The following DOCK3 variants were observed in gnomAD, a reference collection of about 807,000 sequenced individuals.
The protein encoded by DOCK3 is dedicator of cytokinesis protein 3.
Under a neutral mutation model 265.6 loss-of-function variants are expected in DOCK3, and 60 were observed. The observed-to-expected ratio is 0.23, with a 90% CI of 0.18 to 0.28. The LOEUF is 0.28. DOCK3 is among the 10% of genes least tolerant of loss of function. DOCK3 has a pLI of 1.00. For missense variants in DOCK3, 1,981 were observed against 2,594.3 expected, an observed-to-expected ratio of 0.76 and a Z score of 5.14; for synonymous variants, 881 against 938.0, an observed-to-expected ratio of 0.94 and a Z score of 1.11.
intron 5 of DOCK3, among the ~76,000 whole-genome samples, chr3:51,061,431 A>G (rs7373592): frequency 0.83 from 126,882 of 152,018 alleles, 53,417 homozygotes; most frequent in East Asian, 0.94. Flanking sequence ...ATGAAGCTGG[A>G]AACCACCATT....
At chr3:50,787,708 C>T in intron 2 of DOCK3, 1 of 1,266,690 alleles carries the variant, frequency 7.9e-7, no homozygotes, top group Non-Finnish European at 1.1e-6. Flanking sequence ...AGAGGCAGCT[C>T]TCCTCATTCT....
chr3:50,682,424 ATTAT>A (rs1408279748), intron 1 of DOCK3, among the ~76,000 whole-genome samples: 2 of 152,154 alleles, frequency 1.3e-5, no homozygotes, highest in Non-Finnish European at 2.9e-5. Flanking sequence ...CATTTCTTAA[ATTAT>A]TTCCAGCCTG....
At chr3:50,749,260 A>C (rs2039640597) in intron 1 of DOCK3, among the ~76,000 whole-genome samples, 1 of 152,196 alleles carries the variant, frequency 6.6e-6, no homozygotes, top group South Asian at 2.1e-4. Flanking sequence ...TTAGCATTTA[A>C]TATTTACATA....
intron 7 of DOCK3, among the ~76,000 whole-genome samples, chr3:51,088,791 T>G (rs1400825451): frequency 6.6e-6 from 1 of 152,202 alleles, no homozygotes; most frequent in Non-Finnish European, 1.5e-5. Context: ...AATCTGCTTC[T>G]TCTCATTTCA....
At chr3:51,304,262 A>G (rs1018653686) in intron 27 of DOCK3, among the ~76,000 whole-genome samples, 2 of 152,030 alleles carry the variant, frequency 1.3e-5, no homozygotes, top group African/African-American at 4.8e-5. Context: ...AGCAGGGGAA[A>G]AACTGAAGAC....
chr3:50,894,759 T>C (rs2048815008), intron 4 of DOCK3, among the ~76,000 whole-genome samples: 1 of 152,148 alleles, frequency 6.6e-6, no homozygotes, highest in Admixed American at 6.6e-5. Context: ...TTGATTTTTT[T>C]TTACAGCATG....
At chr3:50,951,780 A>G (rs1349449933) in intron 5 of DOCK3, among the ~76,000 whole-genome samples, 2 of 148,692 alleles carry the variant, frequency 1.3e-5, no homozygotes, top group East Asian at 2.1e-4. Flanking sequence ...AGATTATACA[A>G]TGCTAAGACT....
At chr3:50,738,026 T>C (rs73833251) in intron 1 of DOCK3, among the ~76,000 whole-genome samples, 8,704 of 152,270 alleles carry the variant, frequency 0.057, 886 homozygotes, top group African/African-American at 0.2. Flanking sequence ...TTTCAGTCTT[T>C]ACAGGCTGGT....
intron 8 of DOCK3, among the ~76,000 whole-genome samples, chr3:51,089,812 G>A (rs913666913): frequency 9.2e-5 from 13 of 141,866 alleles, no homozygotes; most frequent in Non-Finnish European, 1.5e-4. Flanking sequence ...TGAGGGAGGA[G>A]AATTGCTTGA....
chr3:51,329,739 T>C (rs1421186087), intron 32 of DOCK3, among the ~76,000 whole-genome samples: 1 of 152,218 alleles, frequency 6.6e-6, no homozygotes, highest in East Asian at 1.9e-4. Context: ...ACTGGCTGAC[T>C]ACAGGGTAAA....
At chr3:51,045,347 C>A (rs190942599) in intron 5 of DOCK3, among the ~76,000 whole-genome samples, 1 of 152,124 alleles carries the variant, frequency 6.6e-6, no homozygotes, top group Non-Finnish European at 1.5e-5. Context: ...CGATTAATTT[C>A]TCCATCTTAT....
intron 1 of DOCK3, among the ~76,000 whole-genome samples, chr3:50,771,081 G>A (rs2041246230): frequency 6.6e-6 from 1 of 152,144 alleles, no homozygotes; most frequent in Non-Finnish European, 1.5e-5. Context: ...GGCAACCAAA[G>A]CACACATGGA....
rs1418786405 is a variant in DOCK3, at chr3:51,249,834, G to A, written c.2184+3027G>A. 3.4e-5 allele frequency among the ~76,000 whole-genome samples: 5 copies of A among 147,774 alleles called. No homozygotes were observed. The South Asian group carries it at 8.8e-4, about 26-fold the overall frequency. On this transcript the variant is annotated intron_variant, in intron 22 of 52. Transcript: ENST00000266037. Reference sequence around the variant, plus strand: ...AATGGCGGCTTTGTGGAATAGAAAGGGGGGAAAGGTGGGGAAAAGATTGAG... The same window carrying A: ...AATGGCGGCTTTGTGGAATAGAAAGAGGGGAAAGGTGGGGAAAAGATTGAG...
At chr3:51,251,138 C>T (rs577665293) in intron 22 of DOCK3, among the ~76,000 whole-genome samples, 12 of 152,184 alleles carry the variant, frequency 7.9e-5, no homozygotes, top group African/African-American at 2.2e-4. Context: ...TCTGTCCTTG[C>T]GATAGTTTGC....
chr3:51,280,282 G>A, intron 27 of DOCK3, 78 bp downstream of exon 27: 1 of 1,358,228 alleles, frequency 7.4e-7, no homozygotes, highest in Non-Finnish European at 1.0e-6. Context: ...CCTGTCAGGG[G>A]GATGAATGCA....
At chr3:51,193,276 A>G (rs1363853975) in intron 12 of DOCK3, among the ~76,000 whole-genome samples, 1 of 152,220 alleles carries the variant, frequency 6.6e-6, no homozygotes, top group Non-Finnish European at 1.5e-5. Flanking sequence ...CAACTTGATC[A>G]TAATGTATTA....
At chr3:51,312,362 AT>A in intron 29 of DOCK3, 113 bp from the exon 30 acceptor site, 1 of 1,022,268 alleles carries the variant, frequency 9.8e-7, no homozygotes, top group East Asian at 2.5e-5. Context: ...GGGAAAAAAA[AT>A]GAGGATCTTA....
intron 11 of DOCK3, among the ~76,000 whole-genome samples, chr3:51,159,524 A>T (rs972535300): frequency 6.6e-6 from 1 of 152,092 alleles, no homozygotes; most frequent in African/African-American, 2.4e-5. Context: ...GTGTTTTTTA[A>T]TCACTTAAAA....
At chr3:51,133,730 G>A (rs927958524) in intron 9 of DOCK3, among the ~76,000 whole-genome samples, 17 of 152,040 alleles carry the variant, frequency 1.1e-4, no homozygotes, top group African/African-American at 3.9e-4. Context: ...TAGAGAACAG[G>A]CATGGGAATG....
Sources: gnomAD v4.1 joint callset for allele counts (sites outside exome capture counted in the v4.1 genomes callset) on GRCh38, gnomAD v4.1.1 for gene constraint, MANE v1.5 for transcripts, NCBI Gene and HGNC (gene_info 2026-07-23, HGNC 2026-07-21) for gene names.